BRPF3: variants seen among roughly 807,000 people sequenced by gnomAD.
BRPF3 encodes bromodomain and PHD finger containing 3, also known as bromodomain and PHD finger-containing protein 3.
BRPF3 carries 18 observed loss-of-function variants against 102.0 expected under a neutral mutation model. That is an observed-to-expected ratio of 0.18 (90% CI 0.12 to 0.26). BRPF3 has a LOEUF of 0.26. BRPF3 is among the 10% of genes least tolerant of loss of function. The pLI, the probability that BRPF3 is intolerant of heterozygous loss-of-function variation, is 1.00. For synonymous variants in BRPF3, 570 were observed against 614.2 expected (o/e 0.93, Z 1.06); for missense variants, 1,147 against 1,567.8 (o/e 0.73, Z 4.53).
At chr6:36,228,880 C>G (rs1561836247) in intron 11 of BRPF3, 22 bp from the exon 12 acceptor site, 4 of 1,613,412 alleles carry the variant, frequency 2.5e-6, no homozygotes, top group Non-Finnish European at 3.4e-6. Flanking sequence ...CACTGAGTGC[C>G]CATCTTCTAT....
chr6:36,230,925 G>C lies in BRPF3; in HGVS notation c.*316G>C, dbSNP rs1045633751. ...TTGCCCAGATGGCAAGAGGTCCTGG[G>C]CTCCTTCTTGAGGGGCTGCCTGGCC... On this transcript the variant is annotated 3_prime_UTR_variant, in exon 13 of 13. Transcript: ENST00000357641. This position sits in a 1 kb window ranked among gnomAD's most constrained non-coding sequence, Gnocchi z 5.4. 5.0e-5 allele frequency: 16 copies of C among 317,674 alleles called. No homozygotes were observed. The highest frequency in any genetic ancestry group is 3.6e-4 in the South Asian group (8 of 22,248). 19.7% of individuals were successfully genotyped at this position (317,674 alleles called of 1,614,324 possible). A position where few individuals can be genotyped will look rare whatever the true frequency, so the allele number is the denominator to read the frequency against.
In BRPF3 at chr6:36,201,021, C is replaced by T. The variant is rs1438552603; in HGVS notation, c.699C>T (p.Asp233=). ...ATAGCAATGTTATTCTCTTCTGTGA[C>T]ATCTGCAACCTGGCTGTACACCAGG... is the stretch of plus-strand genomic sequence containing the variant. The part of the protein sequence containing the change: ...CHNSNVILFC[D]ICNLAVHQEC... The change falls in exon 2 of 13, where the codon GAC becomes GAT. Residue 233 remains aspartate (D), a synonymous_variant. Transcript: ENST00000357641. This position sits in a 1 kb window ranked among gnomAD's most constrained non-coding sequence, Gnocchi z 5.1. 1 of 1,614,138 alleles carries T rather than the reference C, an allele frequency of 6.2e-7. No individual in the cohort carries two copies. The highest frequency in any genetic ancestry group is 8.5e-7 in the Non-Finnish European group (1 of 1,180,030).
At position 36,200,203 on chromosome 6, in the gene BRPF3, A is replaced by G. The variant is rs1767642564; in HGVS notation, c.-26-94A>G. Reference sequence around the variant, plus strand: ...GGGCAAGTTGTTCAGACAGAGGGAAAAGCCAGTCCTCTTGGTGGATGCTTG... The same window carrying G: ...GGGCAAGTTGTTCAGACAGAGGGAAGAGCCAGTCCTCTTGGTGGATGCTTG... On this transcript the variant is annotated intron_variant, in intron 1 of 12. Transcript: ENST00000357641. This position sits in a 1 kb window ranked among gnomAD's most constrained non-coding sequence, Gnocchi z 5.3. 7.1e-7 allele frequency: 1 copy of G among 1,402,828 alleles called. No homozygotes were observed. The highest frequency in any genetic ancestry group is 1.5e-5 in the South Asian group (1 of 65,490). 86.9% of individuals were successfully genotyped at this position (1,402,828 alleles called of 1,614,324 possible). A position where few individuals can be genotyped will look rare whatever the true frequency, so the allele number is the denominator to read the frequency against.
At position 36,230,502 on chromosome 6, in the gene BRPF3, C is replaced by G; in HGVS notation, c.3511C>G (p.Arg1171Gly). ...TVDKLKMLEG[R>G]KTSIRKSVQV... ...GGACAAGCTCAAGATGCTGGAAGGC[C>G]GCAAGACCAGCATCCGCAAGTCAGT... The change falls in exon 13 of 13, where the codon CGC (arginine) becomes GGC (glycine). Residue 1171 changes from arginine (R) to glycine (G), a missense_variant. By Grantham distance (125) the Arg-to-Gly change is moderately radical (BLOSUM62 -2). Transcript: ENST00000357641. The surrounding 1 kb of genome is among the most constrained non-coding windows in gnomAD (Gnocchi z 5.4). The G allele has an allele frequency of 6.2e-7, 1 of 1,614,140 alleles. No homozygotes were observed. Among genetic ancestry groups the G allele is most frequent in the South Asian group, 1.1e-5 (1 of 91,086 alleles).
At chr6:36,202,413 C>T (rs751149589) in intron 2 of BRPF3, among the ~76,000 whole-genome samples, 2 of 140,170 alleles carry the variant, frequency 1.4e-5, no homozygotes, top group East Asian at 4.2e-4. Flanking sequence ...TCTGTGGACC[C>T]CCCCCCCCTC....
In BRPF3 at chr6:36,225,400, C is replaced by T. The variant is rs768284660; in HGVS notation, c.3279+36C>T. The T allele has an allele frequency of 5.7e-6, 9 of 1,572,488 alleles. No homozygotes were observed. In the East Asian group the frequency reaches 6.7e-5, roughly 12 times the overall value. Reference sequence around the variant, plus strand: ...CCCAGACGCCACCCTCCTATCTCCCCTGCCTTGCCTTGGGGGCTAATCTGA... The same window carrying T: ...CCCAGACGCCACCCTCCTATCTCCCTTGCCTTGCCTTGGGGGCTAATCTGA... On this transcript the variant is annotated intron_variant, in intron 11 of 12. Transcript: ENST00000357641.
intron 4 of BRPF3, among the ~76,000 whole-genome samples, chr6:36,209,456 TC>T (rs1457024982): frequency 1.3e-5 from 2 of 152,228 alleles, no homozygotes; most frequent in African/African-American, 2.4e-5. Flanking sequence ...CCTCATATAC[TC>T]ATTTATTTTA....
At chr6:36,206,785 A>G (rs1767921655) in intron 3 of BRPF3, among the ~76,000 whole-genome samples, 1 of 152,012 alleles carries the variant, frequency 6.6e-6, no homozygotes. Flanking sequence ...TTTCCAGTTT[A>G]TATTATTAGT....
intron 10 of BRPF3, among the ~76,000 whole-genome samples, chr6:36,224,394 A>G (rs1383812473): frequency 9.9e-5 from 15 of 152,148 alleles, no homozygotes; most frequent in Admixed American, 9.8e-4. Flanking sequence ...ACTCATTCAC[A>G]TGTGTTAGTG....
intron 1 of BRPF3, among the ~76,000 whole-genome samples, chr6:36,198,769 G>A (rs1203248987): frequency 6.6e-6 from 1 of 152,298 alleles, no homozygotes; most frequent in Non-Finnish European, 1.5e-5. Context: ...ATGGGGCCCT[G>A]TATCCCCAAA....
rs1184362602 is a variant in BRPF3, at chr6:36,201,599, T to C, written c.1277T>C (p.Val426Ala). The change falls in exon 2 of 13, where the codon GTG becomes GCG. Residue 426 changes from valine to alanine, a missense_variant. This residue lies in a region of BRPF3 where 157 missense variants were observed against 163.6 expected (regional missense o/e 0.96). Transcript: ENST00000357641. This position sits in a 1 kb window ranked among gnomAD's most constrained non-coding sequence, Gnocchi z 5.1. ...GDGEEEEEEE[V>A]EEEEQEAQGG... ...GGAGAGGAGGAAGAAGAGGAAGAGG[T>C]GGAGGAAGAAGAGCAGGAAGCTCAA... 1 of 1,612,374 alleles carries C rather than the reference T, an allele frequency of 6.2e-7. No individual in the cohort carries two copies. The highest frequency in any genetic ancestry group is 1.3e-5 in the African/African-American group (1 of 74,440).
chr6:36,224,844 A>C (rs560627715), intron 10 of BRPF3, among the ~76,000 whole-genome samples: 1 of 152,346 alleles, frequency 6.6e-6, no homozygotes, highest in South Asian at 2.1e-4. Flanking sequence ...TGGTTTTTAC[A>C]TTTTGAAATG....
rs1490357490 is a variant in BRPF3 at position 36,210,949 on chromosome 6, C to T, written c.2180-309C>T. ...CCCACACGCTGCCTGTCCCTGCTCT[C>T]TGCTTCTCGATGGCAGCAGCCAGTC... On this transcript the variant is annotated intron_variant, in intron 6 of 12. Coordinates refer to ENST00000357641, the MANE Select transcript of BRPF3 (RefSeq NM_015695.3). This position sits in a 1 kb window ranked among gnomAD's most constrained non-coding sequence, Gnocchi z 4.7. Among the ~76,000 whole-genome samples the T allele has an allele frequency of 3.9e-5, 6 of 152,224 alleles. No homozygotes were observed. The highest frequency in any genetic ancestry group is 1.2e-4 in the African/African-American group (5 of 41,452).
chr6:36,210,049 T>C lies in BRPF3; in HGVS notation c.1866+134T>C. 1 of 1,430,880 alleles carries C rather than the reference T, an allele frequency of 7.0e-7. No homozygotes were observed. The highest frequency in any genetic ancestry group is 9.6e-7 in the Non-Finnish European group (1 of 1,042,010). 88.6% of individuals were successfully genotyped at this position (1,430,880 alleles called of 1,614,324 possible). A position where few individuals can be genotyped will look rare whatever the true frequency, so the allele number is the denominator to read the frequency against. ...GGTGGGTCTGGCAAAGCTAGTAGACTTGCCCTTGATGAGGGGTCAGCAGGC... is the reference window on the plus strand; with the variant it reads ...GGTGGGTCTGGCAAAGCTAGTAGACCTGCCCTTGATGAGGGGTCAGCAGGC... On this transcript the variant is annotated intron_variant, in intron 5 of 12. Coordinates refer to ENST00000357641, the MANE Select transcript of BRPF3 (RefSeq NM_015695.3). The surrounding 1 kb of genome is among the most constrained non-coding windows in gnomAD (Gnocchi z 4.7).
intron 10 of BRPF3, among the ~76,000 whole-genome samples, chr6:36,224,241 A>G (rs773082902): frequency 7.2e-5 from 11 of 152,198 alleles, no homozygotes; most frequent in Non-Finnish European, 1.5e-4. Flanking sequence ...TGAGGTAGTA[A>G]TATTTCCTTA....
At position 36,209,933 on chromosome 6, in the gene BRPF3, T is replaced by C; in HGVS notation, c.1866+18T>C. 1 of 1,613,336 alleles carries C rather than the reference T, an allele frequency of 6.2e-7. No individual in the cohort carries two copies. The highest frequency in any genetic ancestry group is 8.5e-7 in the Non-Finnish European group (1 of 1,179,594). On this transcript the variant is annotated intron_variant, in intron 5 of 12. Coordinates refer to ENST00000357641, the MANE Select transcript of BRPF3 (RefSeq NM_015695.3). ...TGAGTGAGGCAAGTTCCCCCTACTT[T>C]CCAAGTAGTAAATTCTTCTTGAACT...
At chr6:36,209,650 T>G (rs938895979) in intron 4 of BRPF3, 137 bp from the exon 5 acceptor site, 49 of 1,059,214 alleles carry the variant, frequency 4.6e-5, no homozygotes, top group Non-Finnish European at 5.8e-5. Context: ...GGGTGATAGC[T>G]TCTCATATAC....
intron 4 of BRPF3, among the ~76,000 whole-genome samples, chr6:36,207,726 G>C (rs2127281416): frequency 6.6e-6 from 1 of 152,288 alleles, no homozygotes; most frequent in South Asian, 2.1e-4. Context: ...TCTCTCAGAG[G>C]GAGCCTGGCC....
intron 1 of BRPF3, chr6:36,197,663 G>C (rs1041135563): frequency 7.2e-5 from 11 of 151,954 alleles, no homozygotes; most frequent in African/African-American, 2.7e-4. Context: ...GGAAATCTGG[G>C]GGGGCGGGGG....
Sources: allele counts gnomAD v4.1 joint callset (sites outside exome capture counted in the v4.1 genomes callset), GRCh38; gene constraint gnomAD v4.1.1; regional missense constraint gnomAD v4.1.1; non-coding constraint Gnocchi (gnomAD v3.1); transcripts MANE v1.5; gene names NCBI Gene and HGNC (gene_info 2026-07-23, HGNC 2026-07-21).